The following KCNN2 variants were observed in gnomAD, a reference collection of about 807,000 sequenced individuals.
The protein encoded by KCNN2 is potassium calcium-activated channel subfamily N member 2, also known as small conductance calcium-activated potassium channel protein 2.
In KCNN2, 24 loss-of-function variants were observed where a neutral mutation model predicts 55.5. That is an observed-to-expected ratio of 0.43 (90% CI 0.31 to 0.61). The LOEUF is 0.61. Among genes scored for constraint, KCNN2 ranks in the 20% least tolerant of loss-of-function variants. The pLI, the probability that KCNN2 is intolerant of heterozygous loss-of-function variation, is 0.08. For missense variants in KCNN2, 754 were observed against 853.6 expected (o/e 0.88, Z 1.45); for synonymous variants, 431 against 336.1 (o/e 1.28, Z -3.09).
At chr5:114,146,609 T>A (rs1005325478) in intron 1 of KCNN2, among the ~76,000 whole-genome samples, 1 of 152,076 alleles carries the variant, frequency 6.6e-6, no homozygotes, top group Non-Finnish European at 1.5e-5. Flanking sequence ...GGAACATGAG[T>A]AATATCAATT....
chr5:114,344,705 T>C (rs1757077251), intron 2 of KCNN2, among the ~76,000 whole-genome samples: 1 of 152,192 alleles, frequency 6.6e-6, no homozygotes. Flanking sequence ...CTCCTATCAC[T>C]TGGGAGAGTC....
intron 2 of KCNN2, among the ~76,000 whole-genome samples, chr5:114,396,124 A>G (rs13190297): frequency 0.23 from 34,141 of 151,590 alleles, 3,938 homozygotes; most frequent in Middle Eastern, 0.27. Context: ...TGTGTTTCTC[A>G]GGGTAGAAAC....
At chr5:114,382,486 G>A (rs905490483) in intron 2 of KCNN2, among the ~76,000 whole-genome samples, 2 of 152,092 alleles carry the variant, frequency 1.3e-5, no homozygotes, top group Admixed American at 6.6e-5. Context: ...CTCTAGTCTC[G>A]TGTTTACTCA....
At chr5:114,346,300 C>T (rs775755011) in intron 2 of KCNN2, among the ~76,000 whole-genome samples, 4 of 152,164 alleles carry the variant, frequency 2.6e-5, no homozygotes, top group Non-Finnish European at 5.9e-5. Flanking sequence ...GGCCCCACCT[C>T]CAACATCTCA....
intron 1 of KCNN2, among the ~76,000 whole-genome samples, chr5:114,188,435 A>G (rs1451569811): frequency 6.6e-6 from 1 of 152,226 alleles, no homozygotes; most frequent in Non-Finnish European, 1.5e-5. Context: ...GGCATTGATA[A>G]TAAGCCAGTA....
chr5:114,176,566 T>A (rs80277409), intron 1 of KCNN2, among the ~76,000 whole-genome samples: 2,479 of 152,282 alleles, frequency 0.016, 62 homozygotes, highest in African/African-American at 0.056. Flanking sequence ...GAGTTGTTTT[T>A]GATGATGCAT....
At position 114,254,456 on chromosome 5, in the gene KCNN2, A is replaced by C. The variant is rs80226081; in HGVS notation, c.-185+32891A>C. 2.9e-3 allele frequency among the ~76,000 whole-genome samples: 448 copies of C among 152,302 alleles called. 3 individuals carry two copies. The highest frequency in any genetic ancestry group is 0.01 in the African/African-American group (430 of 41,570). ...TTTCATTTCTTTAAAACTGATATTC[A>C]GGCAGATACATTTAAAATACACCTG... On this transcript the variant is annotated intron_variant, in intron 2 of 10. Coordinates refer to the KCNN2 transcript ENST00000512097.
intron 1 of KCNN2, among the ~76,000 whole-genome samples, chr5:114,092,360 G>A (rs1215736049): frequency 6.6e-6 from 1 of 152,168 alleles, no homozygotes; most frequent in Non-Finnish European, 1.5e-5. Context: ...GGGCAGCTCA[G>A]CCCCTGTGGC....
intron 1 of KCNN2, among the ~76,000 whole-genome samples, chr5:114,144,649 C>G (rs1049460947): frequency 6.6e-6 from 1 of 151,796 alleles, no homozygotes; most frequent in Non-Finnish European, 1.5e-5. Flanking sequence ...TACAAGTATA[C>G]AAGTAACAAT....
At chr5:114,351,973 T>C (rs1487732508) in intron 2 of KCNN2, among the ~76,000 whole-genome samples, 1 of 151,730 alleles carries the variant, frequency 6.6e-6, no homozygotes, top group African/African-American at 2.4e-5. Context: ...TTTTTCCTCC[T>C]CTATTTTTTG....
At chr5:114,381,470 A>C (rs1378830045) in intron 2 of KCNN2, among the ~76,000 whole-genome samples, 1 of 152,128 alleles carries the variant, frequency 6.6e-6, no homozygotes, top group African/African-American at 2.4e-5. Flanking sequence ...ATTTTAGGAG[A>C]GCCATGAGAA....
intron 1 of KCNN2, among the ~76,000 whole-genome samples, chr5:114,165,975 G>A (rs991860504): frequency 6.6e-6 from 1 of 151,982 alleles, no homozygotes; most frequent in Non-Finnish European, 1.5e-5. Context: ...TTTGCTAGTT[G>A]ATAAGAATAA....
rs1761401866 is a variant in KCNN2 at position 114,465,485 on chromosome 5, G to A, written c.1779+2295G>A. Among the ~76,000 whole-genome samples, 3 of 152,072 alleles carry A rather than the reference G, an allele frequency of 2.0e-5. No individual in the cohort carries two copies. The South Asian group carries it at 6.2e-4, about 32-fold the overall frequency. On this transcript the variant is annotated intron_variant, in intron 4 of 7. Coordinates refer to ENST00000673685, the MANE Select transcript of KCNN2 (RefSeq NM_021614.4). ...GAATTAGCCAGGTGTGGTGGCACAT[G>A]CCTATAATCCCAGCTATTCAGGAGG...
intron 1 of KCNN2, among the ~76,000 whole-genome samples, chr5:114,097,276 G>A (rs1751277491): frequency 6.6e-6 from 1 of 152,140 alleles, no homozygotes. Flanking sequence ...TTCCCACAGG[G>A]TCCAGTCAAT....
At chr5:114,148,195 A>T (rs1752443970) in intron 1 of KCNN2, among the ~76,000 whole-genome samples, 1 of 152,160 alleles carries the variant, frequency 6.6e-6, no homozygotes, top group Non-Finnish European at 1.5e-5. Flanking sequence ...ATATGAAAAA[A>T]GTAGTCCTTA....
chr5:114,084,311 C>T (rs1332818276), intron 1 of KCNN2, among the ~76,000 whole-genome samples: 1 of 152,028 alleles, frequency 6.6e-6, no homozygotes, highest in African/African-American at 2.4e-5. Context: ...ATGAAGTTCT[C>T]ATTGCTACAC....
chr5:114,145,700 A>G (rs1289078025), intron 1 of KCNN2, among the ~76,000 whole-genome samples: 1 of 152,168 alleles, frequency 6.6e-6, no homozygotes, highest in Non-Finnish European at 1.5e-5. Flanking sequence ...TAGACCTGAT[A>G]GGAGCGTCCA....
At chr5:114,286,998 G>A (rs758058167) in intron 2 of KCNN2, among the ~76,000 whole-genome samples, 1 of 152,142 alleles carries the variant, frequency 6.6e-6, no homozygotes, top group Non-Finnish European at 1.5e-5. Context: ...TAGAAAAAAT[G>A]TTATATCACT....
chr5:114,102,959 T>G (rs1364560730), intron 1 of KCNN2, among the ~76,000 whole-genome samples: 2 of 152,210 alleles, frequency 1.3e-5, no homozygotes, highest in Non-Finnish European at 2.9e-5. Flanking sequence ...AGTAGTTTTT[T>G]CTAATTCTGT....
Sources: gnomAD v4.1 joint callset for allele counts (sites outside exome capture counted in the v4.1 genomes callset) on GRCh38, gnomAD v4.1.1 for gene constraint, MANE v1.5 for transcripts, NCBI Gene and HGNC (gene_info 2026-07-23, HGNC 2026-07-21) for gene names.